Variants in WWTR1 observed in about 807,000 individuals in gnomAD.
WWTR1 encodes WW domain containing transcription regulator 1.
Under a neutral mutation model 40.1 loss-of-function variants are expected in WWTR1, and 13 were observed. The observed-to-expected ratio is 0.32, with a 90% CI of 0.21 to 0.52. The LOEUF is 0.52. Ranked by LOEUF, WWTR1 falls within the 20% of genes least tolerant of loss-of-function variation. The probability of loss-of-function intolerance (pLI) is 0.97; values close to 1 mark genes in which losing one functional copy is unlikely to be tolerated. For synonymous variants in WWTR1, 230 were observed against 210.1 expected, an observed-to-expected ratio of 1.09 and a Z score of -0.82; for missense variants, 436 against 523.1, an observed-to-expected ratio of 0.83 and a Z score of 1.63.
intron 1 of WWTR1, among the ~76,000 whole-genome samples, chr3:149,671,499 G>GT (rs1359904824): frequency 3.9e-5 from 6 of 152,098 alleles, no homozygotes; most frequent in Non-Finnish European, 8.8e-5. Flanking sequence ...TTAAAACCAT[G>GT]TACTCCTTCA....
Position 149,689,715 on chromosome 3 carries a change from T to A in WWTR1, c.-108+13409A>T, listed in dbSNP as rs111724277. On this transcript the variant is annotated intron_variant, in intron 1 of 7. Transcript: ENST00000465804. ...GCTGAGGGATTTTGTCAATAACAGA[T>A]CTGTCCTATAAGAAATGCTAAAGGG... 3.6e-3 allele frequency among the ~76,000 whole-genome samples: 548 copies of A among 152,256 alleles called. 5 individuals are homozygous for A. Among genetic ancestry groups the A allele is most frequent in the African/African-American group, 0.013 (520 of 41,572 alleles).
intron 5 of WWTR1, among the ~76,000 whole-genome samples, chr3:149,715,027 T>A (rs1715570316): frequency 6.6e-6 from 1 of 152,104 alleles, no homozygotes; most frequent in Non-Finnish European, 1.5e-5. Context: ...ACACCCTGGC[T>A]ATGGAAAGAA....
chr3:149,646,193 T>C (rs1347692424), intron 2 of WWTR1, among the ~76,000 whole-genome samples: 1 of 152,230 alleles, frequency 6.6e-6, no homozygotes, highest in African/African-American at 2.4e-5. Flanking sequence ...GATTAAGAGA[T>C]GGATGACAGA....
chr3:149,690,796 C>T (rs1714798844), intron 1 of WWTR1, among the ~76,000 whole-genome samples: 2 of 152,172 alleles, frequency 1.3e-5, no homozygotes, highest in Admixed American at 1.3e-4. Context: ...ACATTTCATC[C>T]AATGGCTACA....
At chr3:149,673,351 T>TA (rs1479910072) in intron 1 of WWTR1, among the ~76,000 whole-genome samples, 1 of 152,264 alleles carries the variant, frequency 6.6e-6, no homozygotes, top group Non-Finnish European at 1.5e-5. Context: ...GTACGTTATG[T>TA]AAAAAAATCA....
intron 2 of WWTR1, among the ~76,000 whole-genome samples, chr3:149,630,931 G>A (rs1711526396): frequency 6.6e-6 from 1 of 152,158 alleles, no homozygotes. Flanking sequence ...ACAATCTAAT[G>A]ATGGAAAGGA....
At chr3:149,572,730 G>C (rs962863397) in intron 3 of WWTR1, 134 bp downstream of exon 3, 3 of 1,077,532 alleles carry the variant, frequency 2.8e-6, no homozygotes, top group East Asian at 2.6e-5. Context: ...GCCTGTTATC[G>C]CAGCACTTTG....
chr3:149,637,067 G>A (rs1387471164), intron 2 of WWTR1, among the ~76,000 whole-genome samples: 2 of 150,230 alleles, frequency 1.3e-5, no homozygotes, highest in African/African-American at 4.9e-5. Flanking sequence ...TAAAAATAAA[G>A]GACAAGTACT....
At chr3:149,564,534 C>A (rs995354362) in intron 3 of WWTR1, among the ~76,000 whole-genome samples, 1 of 151,146 alleles carries the variant, frequency 6.6e-6, no homozygotes, top group African/African-American at 2.4e-5. Flanking sequence ...GTAATATAAC[C>A]GCATTACAGA....
Position 149,639,784 on chromosome 3 carries a change from G to A in WWTR1, c.431+17092C>T, listed in dbSNP as rs187770072. ...CGAGGTGGGTGGATCACGAGGTCAG[G>A]AGATCGAGACCATCCTGGCTAACAC... On this transcript the variant is annotated intron_variant, in intron 2 of 6. Transcript: ENST00000360632. 2.9e-3 allele frequency among the ~76,000 whole-genome samples: 441 copies of A among 152,118 alleles called. 4 individuals carry two copies. The highest frequency in any genetic ancestry group is 0.011 in the African/African-American group (436 of 41,512).
intron 2 of WWTR1, among the ~76,000 whole-genome samples, chr3:149,588,903 T>A (rs1391010894): frequency 6.6e-6 from 1 of 152,034 alleles, no homozygotes; most frequent in African/African-American, 2.4e-5. Flanking sequence ...AATACTCCCA[T>A]GAGTGCTTAG....
chr3:149,614,564 A>G (rs1457283294), intron 2 of WWTR1, among the ~76,000 whole-genome samples: 2 of 152,232 alleles, frequency 1.3e-5, no homozygotes, highest in East Asian at 3.8e-4. Context: ...GATGAATAAG[A>G]ATTTCTTTTC....
chr3:149,699,661 G>C, intron 1 of WWTR1, among the ~76,000 whole-genome samples: 1 of 152,178 alleles, frequency 6.6e-6, no homozygotes, highest in African/African-American at 2.4e-5. Flanking sequence ...CAAGCTCTTT[G>C]TTAGGGCATA....
At chr3:149,591,385 T>G (rs1237327354) in intron 2 of WWTR1, among the ~76,000 whole-genome samples, 1 of 152,222 alleles carries the variant, frequency 6.6e-6, no homozygotes, top group Non-Finnish European at 1.5e-5. Flanking sequence ...CCTTCCATTT[T>G]TATTAATGCT....
intron 3 of WWTR1, among the ~76,000 whole-genome samples, chr3:149,558,234 C>T (rs1438767883): frequency 6.6e-6 from 1 of 151,746 alleles, no homozygotes; most frequent in Non-Finnish European, 1.5e-5. Flanking sequence ...CACACTGAGA[C>T]AGTCAACTGC....
upstream of WWTR1, among the ~76,000 whole-genome samples, chr3:149,704,800 C>T (rs1396180779): frequency 2.0e-5 from 3 of 150,208 alleles, no homozygotes; most frequent in African/African-American, 7.3e-5. Flanking sequence ...TATCAGACAT[C>T]TGAAAAAAGC....
chr3:149,699,113 T>A (rs765966136), intron 1 of WWTR1, among the ~76,000 whole-genome samples: 6 of 152,244 alleles, frequency 3.9e-5, no homozygotes, highest in Non-Finnish European at 7.3e-5. Context: ...CTCTGCCACA[T>A]GGCAAGGCTA....
intron 6 of WWTR1, among the ~76,000 whole-genome samples, chr3:149,524,129 G>A (rs572198127): frequency 6.6e-6 from 1 of 152,284 alleles, no homozygotes; most frequent in African/African-American, 2.4e-5. Context: ...TGAGGCTCAC[G>A]GAGGTTATGC....
At chr3:149,579,592 G>T (rs1738049021) in intron 2 of WWTR1, among the ~76,000 whole-genome samples, 1 of 152,024 alleles carries the variant, frequency 6.6e-6, no homozygotes, top group Non-Finnish European at 1.5e-5. Context: ...CGGGAGGACT[G>T]CTTGAGCCCC....
Sources: gnomAD v4.1 joint callset for allele counts (sites outside exome capture counted in the v4.1 genomes callset) on GRCh38, gnomAD v4.1.1 for gene constraint, MANE v1.5 for transcripts, NCBI Gene and HGNC (gene_info 2026-07-23, HGNC 2026-07-21) for gene names.